The following CHST3 variants were observed in gnomAD, a reference collection of about 807,000 sequenced individuals.
The protein encoded by CHST3 is carbohydrate sulfotransferase 3, also known as C6ST-1.
A neutral mutation model predicts 35.4 loss-of-function variants in CHST3; 20 were observed. The ratio of observed to expected loss-of-function variants is 0.57; its 90% confidence interval spans 0.40 to 0.82. The LOEUF (loss-of-function observed/expected upper bound fraction) is 0.82, where lower values mean the gene tolerates loss of function less well. Among genes scored for constraint, CHST3 ranks in the 40% least tolerant of loss-of-function variants. CHST3 has a pLI of 0.00. For missense variants in CHST3, 693 were observed against 670.1 expected, an observed-to-expected ratio of 1.03 and a Z score of -0.38; for synonymous variants, 334 against 295.9, an observed-to-expected ratio of 1.13 and a Z score of -1.32.
At chr10:71,967,487 G>C (rs1189443741) in intron 1 of CHST3, among the ~76,000 whole-genome samples, 2 of 152,178 alleles carry the variant, frequency 1.3e-5, no homozygotes, top group South Asian at 4.1e-4. Flanking sequence ...CATCCATGTT[G>C]CTGCAAAGGA....
chr10:71,972,297 C>T (rs1037549026), intron 1 of CHST3, among the ~76,000 whole-genome samples: 15 of 152,140 alleles, frequency 9.9e-5, no homozygotes, highest in African/African-American at 2.4e-4. Flanking sequence ...GTGGCTGCAC[C>T]GAGAGGAGAA....
At position 72,011,966 on chromosome 10, in the gene CHST3, G is replaced by T. The variant is rs936439231; in HGVS notation, c.*3495G>T. 1 of 152,232 alleles carries T rather than the reference G, an allele frequency of 6.6e-6. No individual in the cohort carries two copies. The highest frequency in any genetic ancestry group is 2.4e-5 in the African/African-American group (1 of 41,466). 9.4% of individuals were successfully genotyped at this position (152,232 alleles called of 1,614,324 possible). A position where few individuals can be genotyped will look rare whatever the true frequency, so the allele number is the denominator to read the frequency against. On this transcript the variant is annotated 3_prime_UTR_variant, in exon 3 of 3. Coordinates refer to ENST00000373115, the MANE Select transcript of CHST3 (RefSeq NM_004273.5). ...GAAGCCAGTCTCTGTCACATACACC[G>T]CAGGTGGTCACCGAGTTATTTTCCA...
intron 1 of CHST3, among the ~76,000 whole-genome samples, chr10:71,993,550 A>G (rs967098985): frequency 9.9e-5 from 15 of 152,224 alleles, no homozygotes; most frequent in African/African-American, 2.9e-4. Context: ...CCTGAGTCAC[A>G]AATGTTCTTA....
At chr10:71,971,101 AG>A (rs1839690532) in intron 1 of CHST3, among the ~76,000 whole-genome samples, 1 of 152,158 alleles carries the variant, frequency 6.6e-6, no homozygotes, top group Admixed American at 6.5e-5. Context: ...CCCGGTTAGA[AG>A]GGGGAGAGCC....
chr10:71,997,026 C>T (rs532618109), intron 1 of CHST3, among the ~76,000 whole-genome samples: 177 of 152,100 alleles, frequency 1.2e-3, no homozygotes, highest in African/African-American at 4.1e-3. Context: ...CGTGCCTGGC[C>T]GTTGTTTATT....
At chr10:71,974,077 T>C (rs1839721909) in intron 1 of CHST3, among the ~76,000 whole-genome samples, 1 of 152,180 alleles carries the variant, frequency 6.6e-6, no homozygotes, top group African/African-American at 2.4e-5. Context: ...GGGGAAGACA[T>C]GGGAATAAAA....
Position 72,010,082 on chromosome 10 carries a change from G to C in CHST3, c.*1611G>C, listed in dbSNP as rs1410976307. On this transcript the variant is annotated 3_prime_UTR_variant, in exon 3 of 3. Coordinates refer to ENST00000373115, the MANE Select transcript of CHST3 (RefSeq NM_004273.5). ...TCAAAGCCACCAGCGTTCTTGCCTA[G>C]TGTCCAGAGCAGCAGAGATTTGCAG... is the stretch of plus-strand genomic sequence containing the variant. 6.6e-6 allele frequency: 1 copy of C among 152,408 alleles called. No homozygotes were observed. The highest frequency in any genetic ancestry group is 1.5e-5 in the Non-Finnish European group (1 of 68,122). 9.4% of individuals were successfully genotyped at this position (152,408 alleles called of 1,614,324 possible).
chr10:71,995,931 A>C (rs557436795), intron 1 of CHST3, among the ~76,000 whole-genome samples: 1 of 152,348 alleles, frequency 6.6e-6, no homozygotes, highest in Non-Finnish European at 1.5e-5. Context: ...AATGGCACTG[A>C]TAAGACTTGC....
rs147425070 is a variant in CHST3 at position 71,977,393 on chromosome 10, G to C, written c.-108+12699G>C. ...GGTCAGGGCATGGCAAGGGTGATCT[G>C]ACCAAACTATGCTGCCTCTTAGCCA... On this transcript the variant is annotated intron_variant, in intron 1 of 2. Transcript: ENST00000373115. Among the ~76,000 whole-genome samples, 549 of 151,770 alleles carry C rather than the reference G, an allele frequency of 3.6e-3. 2 individuals are homozygous for C. The highest frequency in any genetic ancestry group is 0.012 in the African/African-American group (509 of 41,320).
chr10:71,967,469 G>A (rs4747228), intron 1 of CHST3, among the ~76,000 whole-genome samples: 3 of 152,114 alleles, frequency 2.0e-5, no homozygotes, highest in East Asian at 3.9e-4. Flanking sequence ...GATAATAGCC[G>A]CTAACTCCAT....
In CHST3 at chr10:72,005,974, C is replaced by G. The variant is rs779050622; in HGVS notation, c.132C>G (p.Ile44Met). 2 of 1,598,102 alleles carry G rather than the reference C, an allele frequency of 1.3e-6. No homozygotes were observed. The highest frequency in any genetic ancestry group is 1.7e-6 in the Non-Finnish European group (2 of 1,170,456). The part of the protein sequence containing the change: ...VFVFIEKENK[I>M]ISRVSDKLKQ... ...TCTTCATCGAAAAGGAAAATAAAAT[C>G]ATATCAAGGTGAGGGTTGCAAGCCC... Residue 44 changes from isoleucine to methionine, a missense_variant, in exon 2 of 3, where the codon ATC (isoleucine) becomes ATG (methionine). Transcript: ENST00000373115.
chr10:71,990,303 C>A (rs910637204), intron 1 of CHST3, among the ~76,000 whole-genome samples: 9 of 152,152 alleles, frequency 5.9e-5, no homozygotes, highest in Admixed American at 1.3e-4. Flanking sequence ...CAAGATGGCA[C>A]CTACCTGTGG....
Position 72,009,702 on chromosome 10 carries a change from G to C in CHST3, c.*1231G>C, listed in dbSNP as rs1564533633. The C allele has an allele frequency of 6.6e-6, 1 of 152,528 alleles. No individual in the cohort carries two copies. Among genetic ancestry groups the C allele is most frequent in the Non-Finnish European group, 1.5e-5 (1 of 68,136 alleles). 9.4% of individuals were successfully genotyped at this position (152,528 alleles called of 1,614,324 possible). ...CTCCCTCGTGGACAGGAGTCAGCCA[G>C]TTGGTTGCTGTGGTTACAGCCAGTG... On this transcript the variant is annotated 3_prime_UTR_variant, in exon 3 of 3. Coordinates refer to ENST00000373115, the MANE Select transcript of CHST3 (RefSeq NM_004273.5).
At chr10:72,005,650 C>T (rs568426296) in intron 1 of CHST3, 86 bp from the exon 2 acceptor site, 17 of 675,808 alleles carry the variant, frequency 2.5e-5, no homozygotes, top group Non-Finnish European at 4.3e-5. Flanking sequence ...TAACCAGGGC[C>T]GAGATCCTCA....
chr10:71,977,791 T>C (rs1414674067), intron 1 of CHST3, among the ~76,000 whole-genome samples: 1 of 152,166 alleles, frequency 6.6e-6, no homozygotes, highest in Non-Finnish European at 1.5e-5. Context: ...TGCCTCAGCC[T>C]CCTGAGTAGC....
At chr10:72,003,139 T>C (rs1231509042) in intron 1 of CHST3, among the ~76,000 whole-genome samples, 1 of 152,066 alleles carries the variant, frequency 6.6e-6, no homozygotes, top group Non-Finnish European at 1.5e-5. Context: ...TTGCTGAGGA[T>C]TTGATGAGTG....
chr10:72,007,994 G>T lies in CHST3; in HGVS notation c.963G>T (p.Trp321Cys). 6.5e-7 allele frequency: 1 copy of T among 1,549,624 alleles called. No individual in the cohort carries two copies. Among genetic ancestry groups the T allele is most frequent in the Non-Finnish European group, 8.7e-7 (1 of 1,146,528 alleles). The change falls in exon 3 of 3, where the codon TGG becomes TGT. Residue 321 changes from tryptophan to cysteine, a missense_variant. By Grantham distance (215) the Trp-to-Cys change is radical. Transcript: ENST00000373115. Reference sequence around the variant, plus strand: ...CCTTCGCCGGCAAGTATAAGACCTGGAAGAAGTGGCTGGACGACGAGGGCC... The same window carrying T: ...CCTTCGCCGGCAAGTATAAGACCTGTAAGAAGTGGCTGGACGACGAGGGCC... ...MVAFAGKYKT[W>C]KKWLDDEGQD...
chr10:71,986,710 T>C (rs1000687908), intron 1 of CHST3, among the ~76,000 whole-genome samples: 2 of 288 alleles, frequency 6.9e-3, no homozygotes, highest in African/African-American at 0.01. Flanking sequence ...CAGGCAGAGA[T>C]CGCCTGGGGC....
intron 1 of CHST3, among the ~76,000 whole-genome samples, chr10:71,970,680 C>T (rs1839685253): frequency 6.6e-6 from 1 of 152,226 alleles, no homozygotes; most frequent in Non-Finnish European, 1.5e-5. Context: ...CCTGGACCCT[C>T]CCCAGCAGGC....
Sources: allele counts gnomAD v4.1 joint callset (sites outside exome capture counted in the v4.1 genomes callset), GRCh38; gene constraint gnomAD v4.1.1; transcripts MANE v1.5; gene names NCBI Gene and HGNC (gene_info 2026-07-23, HGNC 2026-07-21).